Variants in ZC3H11B observed in about 807,000 individuals in gnomAD.
The protein encoded by ZC3H11B is zinc finger CCCH domain-containing protein 11B.
In ZC3H11B, 3 loss-of-function variants were observed where a neutral mutation model predicts 34.0. The observed-to-expected ratio is 0.09, with a 90% CI of 0.04 to 0.23. The LOEUF (loss-of-function observed/expected upper bound fraction) is 0.23. ZC3H11B is among the 10% of genes least tolerant of loss of function. The pLI is 1.00. For missense variants in ZC3H11B, 99 were observed against 660.1 expected (o/e 0.15, Z 9.31); for synonymous variants, 33 against 250.1 (o/e 0.13, Z 8.19).
chr1:219,608,130 C>T (rs1490564792), exon 2 of ZC3H11B, among the ~76,000 whole-genome samples: 1 of 152,008 alleles, frequency 6.6e-6, no homozygotes, highest in Non-Finnish European at 1.5e-5. Context: ...GTGGTGAAAC[C>T]TGAACATTCT....
exon 2 of ZC3H11B, chr1:219,609,928 T>C: frequency 1.2e-6 from 2 of 1,606,438 alleles, no homozygotes; most frequent in Non-Finnish European, 1.7e-6. Context: ...GACTGATTTG[T>C]CCTCAGAGTC....
chr1:219,609,956 C>T, exon 2 of ZC3H11B: 4 of 1,552,184 alleles, frequency 2.6e-6, no homozygotes, highest in Admixed American at 1.7e-5. Flanking sequence ...ACAACAGCAT[C>T]CACAGCTGCC....
chr1:219,612,740 T>C (rs1465189693), intron 1 of ZC3H11B, 177 bp from the exon 2 acceptor site: 1 of 290,076 alleles, frequency 3.4e-6, no homozygotes, highest in African/African-American at 2.8e-5. Flanking sequence ...AACCTTGAGA[T>C]GGCCTGGAAG....
exon 1 of ZC3H11B, chr1:219,613,021 G>A (rs897026243): frequency 2.9e-5 from 7 of 242,310 alleles, no homozygotes; most frequent in Middle Eastern, 1.3e-3. Context: ...CCCGACTCCC[G>A]CTTGCTGCCA....
In ZC3H11B at chr1:219,609,915, A is replaced by T. The variant is rs183522757; in HGVS notation, c.2148T>A (p.Thr716=). The T allele has an allele frequency of 1.4e-5, 23 of 1,613,412 alleles. No homozygotes were observed. The South Asian group carries it at 2.5e-4, about 18-fold the overall frequency. ...CTCTAGGATTTTCTGCTTCAGGCAC[A>T]GTGACTGATTTGTCCTCAGAGTCAA... is the stretch of plus-strand genomic sequence containing the variant. Residue 716 remains threonine, a synonymous_variant, in exon 2 of 2, where the codon ACT becomes ACA. Transcript: ENST00000651890.
chr1:219,609,278 A>G, exon 2 of ZC3H11B: 1 of 294,802 alleles, frequency 3.4e-6, no homozygotes, highest in Middle Eastern at 1.2e-3. Context: ...GAATACAACA[A>G]AGGAGAAAAA....
chr1:219,609,895 G>C, exon 2 of ZC3H11B: 7 of 1,614,160 alleles, frequency 4.3e-6, no homozygotes, highest in South Asian at 2.2e-5. Context: ...ACTGTCTCTA[G>C]GATTTTCTGC....
At chr1:219,612,179 A>G (rs1668011531) in exon 2 of ZC3H11B, 1 of 617,686 alleles carries the variant, frequency 1.6e-6, no homozygotes, top group Admixed American at 2.8e-5. Flanking sequence ...TGACAACTTG[A>G]TCACAGAAAT....
chr1:219,609,252 T>G, exon 2 of ZC3H11B: 1 of 207,342 alleles, frequency 4.8e-6, no homozygotes, highest in South Asian at 7.6e-5. Flanking sequence ...TTAAGTACAT[T>G]AAGACAATAC....
At chr1:219,610,043 C>G in exon 2 of ZC3H11B, 1 of 1,311,128 alleles carries the variant, frequency 7.6e-7, no homozygotes, top group Non-Finnish European at 1.1e-6. Context: ...GGGTGCATCT[C>G]CACTGCCTTA....
chr1:219,609,185 T>C (rs1237243869), exon 2 of ZC3H11B: 1 of 186,190 alleles, frequency 5.4e-6, no homozygotes, highest in African/African-American at 2.4e-5. Context: ...AGTGGTAGCA[T>C]AAAATTTGGC....
chr1:219,609,958 A>C (rs1392497431), exon 2 of ZC3H11B: 1 of 1,553,336 alleles, frequency 6.4e-7, no homozygotes, highest in Non-Finnish European at 8.9e-7. Context: ...AACAGCATCC[A>C]CAGCTGCCTT....
chr1:219,609,808 C>A (rs1402150084), exon 2 of ZC3H11B: 1 of 1,612,204 alleles, frequency 6.2e-7, no homozygotes. Flanking sequence ...AGTTTTCATG[C>A]TCATTTGGGA....
exon 2 of ZC3H11B, chr1:219,611,695 T>C (rs1668003691): frequency 6.2e-7 from 1 of 1,612,198 alleles, no homozygotes; most frequent in Non-Finnish European, 8.5e-7. Context: ...AGACAATTTG[T>C]TCTGCTGAAC....
exon 2 of ZC3H11B, chr1:219,612,512 G>A (rs1668015506): frequency 6.8e-6 from 1 of 146,982 alleles, no homozygotes; most frequent in African/African-American, 4.0e-5. Flanking sequence ...ATGAACTTGA[G>A]AGTCAAAGGA....
At chr1:219,608,374 C>A (rs1232311881) in exon 2 of ZC3H11B, 2 of 152,546 alleles carry the variant, frequency 1.3e-5, no homozygotes, top group Non-Finnish European at 2.9e-5. Flanking sequence ...TAGGAGCCAA[C>A]ATGACAGGTG....
chr1:219,613,087 C>T lies in ZC3H11B; in HGVS notation c.-658G>A, dbSNP rs1400515327. ...CGTCGTCCTCCCAGCAGCAGCAGCA[C>T]TAGCAGAAAACCAAGACTGCCAGCG... On this transcript the variant is annotated 5_prime_UTR_variant, in exon 1 of 2. The change creates a new upstream start codon in the 5' untranslated region. Transcript: ENST00000651890. 2 of 219,498 alleles carry T rather than the reference C, an allele frequency of 9.1e-6. No homozygotes were observed. Among genetic ancestry groups the T allele is most frequent in the African/African-American group, 4.6e-5 (2 of 43,618 alleles). The allele number at this position is 219,498 out of a possible 1,614,324, so 13.6% of individuals were successfully genotyped here.
At chr1:219,609,096 T>G (rs1215797474) in exon 2 of ZC3H11B, 6 of 169,004 alleles carry the variant, frequency 3.6e-5, no homozygotes, top group Non-Finnish European at 6.5e-5. Context: ...TGCTCAGCCC[T>G]CTTTAAAGCT....
exon 2 of ZC3H11B, chr1:219,608,509 T>A (rs1315104654): frequency 6.6e-6 from 1 of 152,046 alleles, no homozygotes; most frequent in Non-Finnish European, 1.5e-5. Flanking sequence ...ATTATTTCCA[T>A]CATGCTTATT....
Sources: allele counts gnomAD v4.1 joint callset (sites outside exome capture counted in the v4.1 genomes callset), GRCh38; gene constraint gnomAD v4.1.1; transcripts MANE v1.5; gene names NCBI Gene and HGNC (gene_info 2026-07-23, HGNC 2026-07-21).